Variants in SUFU observed in about 807,000 individuals in gnomAD.
SUFU encodes suppressor of fused homolog.
A neutral mutation model predicts 58.9 loss-of-function variants in SUFU; 7 were observed. The ratio of observed to expected loss-of-function variants is 0.12; its 90% CI spans 0.07 to 0.22. The LOEUF (loss-of-function observed/expected upper bound fraction) is 0.22. SUFU is among the 10% of genes least tolerant of loss of function. The pLI, the probability that SUFU is intolerant of heterozygous loss-of-function variation, is 1.00. For synonymous variants in SUFU, 232 were observed against 254.8 expected (o/e 0.91, Z 0.85); for missense variants, 451 against 641.3 (o/e 0.70, Z 3.20).
intron 3 of SUFU, among the ~76,000 whole-genome samples, chr10:102,566,459 G>T (rs1032233011): frequency 2.6e-5 from 4 of 151,838 alleles, no homozygotes; most frequent in African/African-American, 7.3e-5. Flanking sequence ...GTGAAACCAC[G>T]TCTCTATTAA....
intron 10 of SUFU, among the ~76,000 whole-genome samples, chr10:102,626,612 C>G (rs1162935543): frequency 6.6e-6 from 1 of 152,008 alleles, no homozygotes; most frequent in African/African-American, 2.4e-5. Flanking sequence ...GTTGGGAGTC[C>G]CTTTGTCATC....
intron 8 of SUFU, among the ~76,000 whole-genome samples, chr10:102,614,646 C>G (rs1022030103): frequency 2.7e-5 from 4 of 147,220 alleles, no homozygotes; most frequent in African/African-American, 1.0e-4. Flanking sequence ...GAGGCCAGGA[C>G]GGGCAGATCA....
intron 2 of SUFU, among the ~76,000 whole-genome samples, chr10:102,520,033 A>C (rs1589986085): frequency 6.6e-6 from 1 of 150,572 alleles, no homozygotes; most frequent in East Asian, 2.0e-4. Flanking sequence ...CGGCCTCCCA[A>C]AGTGCTGGGA....
rs1339629594 is a variant in SUFU, at chr10:102,619,993, C to T, written c.1296+2565C>T. 2.0e-5 allele frequency among the ~76,000 whole-genome samples: 3 copies of T among 152,218 alleles called. No individual in the cohort carries two copies. Among genetic ancestry groups the T allele is most frequent in the African/African-American group, 7.2e-5 (3 of 41,442 alleles). ...TTGCTCCCTGCAGGCATCTCTTGCT[C>T]GCACCCCCAGGGTTCCGAGGTGTCT... On this transcript the variant is annotated intron_variant, in intron 10 of 11. Transcript: ENST00000369902. This position sits in a 1 kb window ranked among gnomAD's most constrained non-coding sequence, Gnocchi z 4.2.
chr10:102,567,267 TC>T (rs2063101403), intron 3 of SUFU, among the ~76,000 whole-genome samples: 1 of 151,628 alleles, frequency 6.6e-6, no homozygotes, highest in Non-Finnish European at 1.5e-5. Flanking sequence ...TGCCTCGGCC[TC>T]CCAAAGTGCT....
chr10:102,553,613 G>A (rs907246333), intron 3 of SUFU, among the ~76,000 whole-genome samples: 3 of 152,080 alleles, frequency 2.0e-5, no homozygotes, highest in African/African-American at 7.2e-5. Context: ...ACAGGCGCCC[G>A]CCACCGCGCC....
At position 102,628,169 on chromosome 10, in the gene SUFU, G is replaced by A. The variant is rs187819723; in HGVS notation, c.1365+926G>A. Among the ~76,000 whole-genome samples the A allele has an allele frequency of 4.4e-3, 668 of 152,230 alleles. 7 individuals are homozygous for A. Among genetic ancestry groups the A allele is most frequent in the African/African-American group, 0.015 (635 of 41,532 alleles). ...CAAGAGGGAGGCCAGGCGGGAGCTA[G>A]GTTCCAGCCAGGGCTGGAGCTTCCA... On this transcript the variant is annotated intron_variant, in intron 11 of 11. Transcript: ENST00000369902. The surrounding 1 kb of genome is among the most constrained non-coding windows in gnomAD (Gnocchi z 4.5).
chr10:102,610,052 A>C (rs2063606040), intron 8 of SUFU, among the ~76,000 whole-genome samples: 1 of 152,136 alleles, frequency 6.6e-6, no homozygotes, highest in African/African-American at 2.4e-5. Flanking sequence ...AAGACCGCTA[A>C]GTGGACTCAA....
intron 1 of SUFU, among the ~76,000 whole-genome samples, chr10:102,508,741 A>G (rs1364292332): frequency 2.0e-5 from 3 of 152,220 alleles, no homozygotes; most frequent in Non-Finnish European, 4.4e-5. Flanking sequence ...TTCCAGGAAC[A>G]ATGCCCATTG....
intron 3 of SUFU, among the ~76,000 whole-genome samples, chr10:102,570,407 A>C (rs1213778711): frequency 6.6e-6 from 1 of 151,876 alleles, no homozygotes; most frequent in African/African-American, 2.4e-5. Flanking sequence ...ACGCCTGGCT[A>C]ATTCTTATAT....
chr10:102,538,503 C>T (rs1447530127), intron 2 of SUFU, among the ~76,000 whole-genome samples: 2 of 152,006 alleles, frequency 1.3e-5, no homozygotes, highest in Admixed American at 6.6e-5. Context: ...TAGTAGCTAC[C>T]ATATGGAAAC....
chr10:102,510,366 C>T (rs1240570724), intron 2 of SUFU, among the ~76,000 whole-genome samples: 3 of 151,730 alleles, frequency 2.0e-5, no homozygotes, highest in Admixed American at 6.6e-5. Flanking sequence ...CCCACCACCA[C>T]GCCCAGCTAA....
At position 102,590,971 on chromosome 10, in the gene SUFU, T is replaced by G. The variant is rs1171710007; in HGVS notation, c.455-1611T>G. The G allele has an allele frequency of 2.6e-5, 4 of 152,346 alleles. No homozygotes were observed. The South Asian group carries it at 6.2e-4, about 24-fold the overall frequency. The allele number at this position is 152,346 out of a possible 1,614,324, so 9.4% of individuals were successfully genotyped here. A position where few individuals can be genotyped will look rare whatever the true frequency, so the allele number is the denominator to read the frequency against. On this transcript the variant is annotated intron_variant, in intron 3 of 11. Coordinates refer to ENST00000369902, the MANE Select transcript of SUFU (RefSeq NM_016169.4). ...TATTATCACATCTCAGATGAAGCAG[T>G]CTTCCTTCTCCTGCCTGAATGAACA...
intron 2 of SUFU, among the ~76,000 whole-genome samples, chr10:102,512,084 C>A (rs2062406906): frequency 6.6e-6 from 1 of 152,220 alleles, no homozygotes; most frequent in Admixed American, 6.5e-5. Context: ...TTCCTCTTCT[C>A]TCTTGTTAAG....
rs1044005697 is a variant in SUFU at position 102,628,811 on chromosome 10, T to C, written c.1366-1255T>C. On this transcript the variant is annotated intron_variant, in intron 11 of 11. Transcript: ENST00000369902. The surrounding 1 kb of genome is among the most constrained non-coding windows in gnomAD (Gnocchi z 4.5). ...CCAGACCGAGGCAGGCTGAGAACAC[T>C]GTTCTCTCCTTTCCACCCTGCCCTG... is the stretch of plus-strand genomic sequence containing the variant. Among the ~76,000 whole-genome samples, 7 of 152,030 alleles carry C rather than the reference T, an allele frequency of 4.6e-5. No individual in the cohort carries two copies. Among genetic ancestry groups the C allele is most frequent in the African/African-American group, 1.5e-4 (6 of 41,366 alleles).
chr10:102,608,061 C>T (rs532319690), intron 8 of SUFU, among the ~76,000 whole-genome samples: 2 of 151,406 alleles, frequency 1.3e-5, no homozygotes, highest in South Asian at 4.2e-4. Context: ...CCCATCTCTA[C>T]AAAAATATAA....
intron 2 of SUFU, among the ~76,000 whole-genome samples, chr10:102,531,211 T>C (rs58450262): frequency 0.052 from 7,900 of 152,020 alleles, 686 homozygotes; most frequent in African/African-American, 0.18. Context: ...GTCACGATCA[T>C]GCCACTGCAC....
chr10:102,559,598 C>T (rs2135768713), intron 3 of SUFU, among the ~76,000 whole-genome samples: 2 of 152,334 alleles, frequency 1.3e-5, no homozygotes, highest in South Asian at 2.1e-4. Context: ...GTCTGTCTGT[C>T]CTACTTTGCA....
At chr10:102,562,675 G>C (rs914055566) in intron 3 of SUFU, among the ~76,000 whole-genome samples, 14 of 152,214 alleles carry the variant, frequency 9.2e-5, no homozygotes, top group African/African-American at 3.4e-4. Context: ...TGGATCACTT[G>C]AGGCCAGGAG....
Sources: gnomAD v4.1 joint callset for allele counts (sites outside exome capture counted in the v4.1 genomes callset) on GRCh38, gnomAD v4.1.1 for gene constraint, Gnocchi (gnomAD v3.1) non-coding constraint, MANE v1.5 for transcripts, NCBI Gene and HGNC (gene_info 2026-07-23, HGNC 2026-07-21) for gene names.